Variants in HECTD2 observed in about 807,000 individuals in gnomAD.
The protein encoded by HECTD2 is HECT domain E3 ubiquitin protein ligase 2.
Under a neutral mutation model 103.2 loss-of-function variants are expected in HECTD2, and 35 were observed. The observed-to-expected ratio is 0.34, with a 90% confidence interval of 0.26 to 0.45. The LOEUF (loss-of-function observed/expected upper bound fraction) is 0.45. Among genes scored for constraint, HECTD2 ranks in the 20% least tolerant of loss-of-function variants. HECTD2 has a pLI of 1.00. For missense variants in HECTD2, 596 were observed against 937.4 expected, an observed-to-expected ratio of 0.64 and a Z score of 4.76; for synonymous variants, 281 against 329.9, an observed-to-expected ratio of 0.85 and a Z score of 1.61.
At chr10:91,463,246 AAAGT>A (rs2133210332) in intron 5 of HECTD2, 1 of 152,276 alleles carries the variant, frequency 6.6e-6, no homozygotes, top group South Asian at 2.1e-4. Flanking sequence ...TTGTTACAAT[AAAGT>A]AAGCTAAGGA....
intron 2 of HECTD2, among the ~76,000 whole-genome samples, chr10:91,457,499 G>T (rs928308435): frequency 2.0e-5 from 3 of 151,888 alleles, no homozygotes; most frequent in African/African-American, 7.2e-5. Flanking sequence ...GATGCTAGAT[G>T]GTTCAGTTTT....
intron 5 of HECTD2, among the ~76,000 whole-genome samples, chr10:91,471,900 G>A (rs1275311288): frequency 6.6e-6 from 1 of 152,190 alleles, no homozygotes; most frequent in African/African-American, 2.4e-5. Flanking sequence ...GCAATTTACA[G>A]TTGCAGTGCT....
At chr10:91,449,100 C>T (rs76733435) in intron 2 of HECTD2, among the ~76,000 whole-genome samples, 2 of 151,438 alleles carry the variant, frequency 1.3e-5, no homozygotes, top group South Asian at 2.1e-4. Context: ...GCCAATATCC[C>T]TGATGAACAT....
Position 91,425,721 on chromosome 10 carries a change from C to T in HECTD2, c.268+311C>T, listed in dbSNP as rs74933208. 6.2e-4 allele frequency among the ~76,000 whole-genome samples: 93 copies of T among 150,706 alleles called. 1 individual carries two copies. In the East Asian group the frequency reaches 0.018, roughly 29 times the overall value. Reference sequence around the variant, plus strand: ...TGTATACAAATATGTAATGGATATCCCATATTTGAGCAATAATCAATTAGA... The same window carrying T: ...TGTATACAAATATGTAATGGATATCTCATATTTGAGCAATAATCAATTAGA... On this transcript the variant is annotated intron_variant, in intron 2 of 20. Transcript: ENST00000298068.
chr10:91,449,567 T>G (rs1030352149), intron 2 of HECTD2, among the ~76,000 whole-genome samples: 3 of 152,002 alleles, frequency 2.0e-5, no homozygotes, highest in South Asian at 2.1e-4. Context: ...GTGAGAGAAA[T>G]AAAGGACATT....
chr10:91,485,068 T>C, intron 9 of HECTD2, 112 bp from the exon 10 acceptor site: 1 of 649,128 alleles, frequency 1.5e-6, no homozygotes, highest in South Asian at 3.0e-5. Flanking sequence ...TTATTTAAAA[T>C]AGGAGTTTCT....
chr10:91,513,230 AATC>A lies in HECTD2; in HGVS notation c.*849_*851del, dbSNP rs1847486799. 6.6e-6 allele frequency: 1 copy of A among 152,652 alleles called. No homozygotes were observed. Among genetic ancestry groups the A allele is most frequent in the Admixed American group, 6.5e-5 (1 of 15,274 alleles). The allele number at this position is 152,652 out of a possible 1,614,324, so 9.5% of individuals were successfully genotyped here. A position where few individuals can be genotyped will look rare whatever the true frequency, so the allele number is the denominator to read the frequency against. Reference sequence around the variant, plus strand: ...ATTAGAAAAGAAATCAGACCTAAATAATCATTGATGAAGTATGTCAGTTACAAG... The same window carrying A: ...ATTAGAAAAGAAATCAGACCTAAATAATTGATGAAGTATGTCAGTTACAAG... On this transcript the variant is annotated 3_prime_UTR_variant, in exon 21 of 21. Transcript: ENST00000298068.
At chr10:91,492,652 C>T (rs1007133176) in intron 13 of HECTD2, among the ~76,000 whole-genome samples, 168 bp downstream of exon 13, 4 of 151,956 alleles carry the variant, frequency 2.6e-5, no homozygotes, top group Non-Finnish European at 5.9e-5. Flanking sequence ...CTTGTTTGAC[C>T]GAATTGTTGA....
intron 10 of HECTD2, 41 bp downstream of exon 10, chr10:91,485,344 T>A: frequency 6.7e-7 from 1 of 1,493,154 alleles, no homozygotes; most frequent in African/African-American, 1.4e-5. Context: ...CTAAATGAAA[T>A]ACTATTCAAA....
intron 2 of HECTD2, among the ~76,000 whole-genome samples, chr10:91,436,016 ATCTT>A (rs751553639): frequency 6.6e-6 from 1 of 151,670 alleles, no homozygotes; most frequent in African/African-American, 2.4e-5. Context: ...TCCCCTCTGA[ATCTT>A]TCTTTTTTAT....
At chr10:91,467,325 T>A (rs1309438079) in intron 5 of HECTD2, among the ~76,000 whole-genome samples, 1 of 152,110 alleles carries the variant, frequency 6.6e-6, no homozygotes, top group East Asian at 1.9e-4. Flanking sequence ...TATGGGAACA[T>A]CTGCAGTGGA....
intron 20 of HECTD2, among the ~76,000 whole-genome samples, chr10:91,503,768 A>G (rs186671044): frequency 0.2 from 30,419 of 151,992 alleles, 7,250 homozygotes; most frequent in African/African-American, 0.58. Context: ...ACTGGGTGGA[A>G]CCCACCACAG....
chr10:91,421,139 C>T (rs1041039749), intron 1 of HECTD2, among the ~76,000 whole-genome samples: 4 of 152,130 alleles, frequency 2.6e-5, no homozygotes, highest in Admixed American at 6.5e-5. Flanking sequence ...TTTGTATAGT[C>T]CGTGCCACCA....
chr10:91,419,897 CAGT>C (rs1295819431), intron 1 of HECTD2, among the ~76,000 whole-genome samples: 2 of 152,154 alleles, frequency 1.3e-5, no homozygotes, highest in Non-Finnish European at 2.9e-5. Context: ...ATACAAAACT[CAGT>C]AATAGCTGTG....
intron 15 of HECTD2, among the ~76,000 whole-genome samples, chr10:91,497,065 T>G (rs1463462885): frequency 6.6e-6 from 1 of 151,174 alleles, no homozygotes; most frequent in Non-Finnish European, 1.5e-5. Context: ...GTTCAAGTGA[T>G]TCTCGTGCCT....
At chr10:91,496,165 A>T (rs200328171) in intron 14 of HECTD2, 49 bp from the exon 15 acceptor site, 2 of 1,385,830 alleles carry the variant, frequency 1.4e-6, no homozygotes, top group South Asian at 1.4e-5. Context: ...TTCAGAACTC[A>T]TTTGTTGTCA....
In HECTD2 at chr10:91,410,550, G is replaced by C; in HGVS notation, c.112G>C (p.Val38Leu). ...ESEREKLPPI[V>L]SAGAGATAGL... ...AGAGCGCGAGAAGCTGCCGCCCATC[G>C]TATCGGCGGGCGCCGGCGCGACCGC... Residue 38 changes from valine to leucine, a missense_variant, in exon 1 of 21, where the codon GTA (valine) becomes CTA (leucine). Transcript: ENST00000298068. The C allele has an allele frequency of 6.9e-7, 1 of 1,447,060 alleles. No homozygotes were observed. The allele number at this position is 1,447,060 out of a possible 1,614,324, so 89.6% of individuals were successfully genotyped here. A position where few individuals can be genotyped will look rare whatever the true frequency, so the allele number is the denominator to read the frequency against.
chr10:91,438,521 G>A (rs767014904), intron 2 of HECTD2, among the ~76,000 whole-genome samples: 9 of 145,490 alleles, frequency 6.2e-5, no homozygotes, highest in Admixed American at 4.0e-4. Flanking sequence ...TTGCTATTGC[G>A]AACAGTGCTG....
intron 1 of HECTD2, among the ~76,000 whole-genome samples, chr10:91,417,945 A>T (rs1843198634): frequency 1.3e-5 from 2 of 152,150 alleles, no homozygotes; most frequent in South Asian, 2.1e-4. Flanking sequence ...CACCACACTG[A>T]CTTCCACAAT....
Sources: gnomAD v4.1 joint callset for allele counts (sites outside exome capture counted in the v4.1 genomes callset) on GRCh38, gnomAD v4.1.1 for gene constraint, MANE v1.5 for transcripts, NCBI Gene and HGNC (gene_info 2026-07-23, HGNC 2026-07-21) for gene names.